The following MYO16 variants were observed in gnomAD, a reference collection of about 807,000 sequenced individuals.
MYO16 encodes the protein myosin XVI.
Under a neutral mutation model 205.3 loss-of-function variants are expected in MYO16, and 94 were observed. That is an observed-to-expected ratio of 0.46 (90% confidence interval 0.39 to 0.54). MYO16 has a LOEUF of 0.54. Ranked by LOEUF, MYO16 falls within the 20% of genes least tolerant of loss-of-function variation. MYO16 has a pLI of 0.00. For missense variants in MYO16, 2,315 were observed against 2,387.5 expected, an observed-to-expected ratio of 0.97 and a Z score of 0.63; for synonymous variants, 988 against 954.0, an observed-to-expected ratio of 1.04 and a Z score of -0.66.
At chr13:108,563,238 A>G in the MYO16 span, among the ~76,000 whole-genome samples, 2 of 152,084 alleles carry the variant, frequency 1.3e-5, no homozygotes, top group Admixed American at 1.3e-4. Context: ...GTGTCTATTT[A>G]TGGGGTTTTG....
chr13:108,945,471 C>G (rs999093557), intron 16 of MYO16, among the ~76,000 whole-genome samples: 1 of 152,092 alleles, frequency 6.6e-6, no homozygotes, highest in African/African-American at 2.4e-5. Context: ...GAAACACATC[C>G]TTGACTAGAA....
the MYO16 span, among the ~76,000 whole-genome samples, chr13:108,504,671 G>T: frequency 6.6e-6 from 1 of 151,984 alleles, no homozygotes; most frequent in Non-Finnish European, 1.5e-5. Context: ...AAGTAGCTGG[G>T]ACTACCGGCA....
At chr13:108,694,053 T>G (rs911347638) in intron 2 of MYO16, among the ~76,000 whole-genome samples, 2 of 152,242 alleles carry the variant, frequency 1.3e-5, no homozygotes, top group Non-Finnish European at 2.9e-5. Context: ...TCCATTTTTA[T>G]GGCCACATAG....
chr13:108,913,635 C>A (rs1051728954), intron 16 of MYO16, among the ~76,000 whole-genome samples: 4 of 152,150 alleles, frequency 2.6e-5, no homozygotes, highest in African/African-American at 9.7e-5. Flanking sequence ...AAAATTGGTA[C>A]CCATAGGTAA....
rs568297602 is a variant in MYO16 at position 108,782,466 on chromosome 13, G to A, written c.508-3169G>A. ...TTTTTAAAAGGGAAACAGCATAAAA[G>A]TTCAGAAAATTTGCAGCCTGACGAT... On this transcript the variant is annotated intron_variant, in intron 4 of 34. Transcript: ENST00000457511. 3.3e-5 allele frequency among the ~76,000 whole-genome samples: 5 copies of A among 152,302 alleles called. No homozygotes were observed. In the South Asian group the frequency reaches 1.0e-3, roughly 32 times the overall value.
chr13:108,797,448 G>A lies in MYO16; in HGVS notation c.741+3808G>A, dbSNP rs1311864906. 3.3e-5 allele frequency among the ~76,000 whole-genome samples: 5 copies of A among 152,244 alleles called. No individual in the cohort carries two copies. In the South Asian group the frequency reaches 1.0e-3, roughly 32 times the overall value. On this transcript the variant is annotated intron_variant, in intron 6 of 34. Coordinates refer to ENST00000457511, the MANE Select transcript of MYO16 (RefSeq NM_001198950.3). ...GAAGAGGAGGCTCCAGAAATGGGAT[G>A]AGAAGGAGCAAGCACTGAGGAAGGA...
chr13:109,092,989 T>A (rs1330831056), intron 27 of MYO16, among the ~76,000 whole-genome samples: 1 of 152,242 alleles, frequency 6.6e-6, no homozygotes, highest in Non-Finnish European at 1.5e-5. Context: ...TGTGGCTCTT[T>A]CACTTATAAT....
chr13:108,677,389 GTA>G (rs760293016), intron 2 of MYO16, among the ~76,000 whole-genome samples: 1 of 137,490 alleles, frequency 7.3e-6, no homozygotes, highest in East Asian at 2.9e-4. Context: ...ATATATACAG[GTA>G]TATATACAGT....
At chr13:108,587,351 T>G in the MYO16 span, among the ~76,000 whole-genome samples, 4,066 of 152,240 alleles carry the variant, frequency 0.027, 175 homozygotes, top group African/African-American at 0.091. Flanking sequence ...ACAACTGTAA[T>G]TTTTTCAAGT....
chr13:108,805,638 T>G (rs999171974), intron 6 of MYO16, among the ~76,000 whole-genome samples: 14 of 152,222 alleles, frequency 9.2e-5, no homozygotes, highest in African/African-American at 3.4e-4. Context: ...TAATGTCATT[T>G]GAGTGTGATG....
At chr13:108,780,295 T>C (rs1267543558) in intron 4 of MYO16, among the ~76,000 whole-genome samples, 1 of 151,298 alleles carries the variant, frequency 6.6e-6, no homozygotes, top group Non-Finnish European at 1.5e-5. Flanking sequence ...AAGTTAGTAA[T>C]CATGGAAGAT....
At chr13:108,612,056 CTT>C (rs1447579093) in intron 1 of MYO16, among the ~76,000 whole-genome samples, 3 of 138,468 alleles carry the variant, frequency 2.2e-5, no homozygotes, top group Non-Finnish European at 4.5e-5. Context: ...AAAGTAGACT[CTT>C]TACTTTCTTC....
At chr13:108,699,688 G>T (rs1162545271) in intron 2 of MYO16, among the ~76,000 whole-genome samples, 1 of 152,044 alleles carries the variant, frequency 6.6e-6, no homozygotes, top group African/African-American at 2.4e-5. Flanking sequence ...CCTGATTCCC[G>T]CCAGACAATT....
chr13:108,560,175 G>T, the MYO16 span, among the ~76,000 whole-genome samples: 4 of 152,170 alleles, frequency 2.6e-5, no homozygotes, highest in African/African-American at 9.7e-5. Flanking sequence ...CTAAGAGTAA[G>T]CTAAGATGAA....
intron 23 of MYO16, among the ~76,000 whole-genome samples, chr13:109,039,788 A>G (rs189809264): frequency 1.2e-4 from 19 of 152,318 alleles, no homozygotes; most frequent in Non-Finnish European, 2.8e-4. Flanking sequence ...CATCTCAGGA[A>G]CGTAGGAGCA....
chr13:108,958,346 C>T (rs1883461027), intron 17 of MYO16, among the ~76,000 whole-genome samples: 1 of 151,282 alleles, frequency 6.6e-6, no homozygotes, highest in African/African-American at 2.4e-5. Context: ...AGTAACTGTT[C>T]ATGTAAAGAA....
intron 28 of MYO16, among the ~76,000 whole-genome samples, chr13:109,116,116 G>A (rs1415425943): frequency 6.6e-6 from 1 of 152,084 alleles, no homozygotes; most frequent in Non-Finnish European, 1.5e-5. Flanking sequence ...CATAAAATAT[G>A]CCCAAGTAGT....
At chr13:108,996,249 C>T (rs1238641825) in intron 21 of MYO16, among the ~76,000 whole-genome samples, 1 of 152,092 alleles carries the variant, frequency 6.6e-6, no homozygotes, top group African/African-American at 2.4e-5. Context: ...TCCAGTGGTA[C>T]TTTTCAGTGT....
At chr13:108,547,361 C>A in the MYO16 span, among the ~76,000 whole-genome samples, 2 of 151,778 alleles carry the variant, frequency 1.3e-5, no homozygotes, top group Non-Finnish European at 2.9e-5. Flanking sequence ...GCAGTGTGCA[C>A]AAATAATGTT....
Sources: allele counts gnomAD v4.1 joint callset (sites outside exome capture counted in the v4.1 genomes callset), GRCh38; gene constraint gnomAD v4.1.1; transcripts MANE v1.5; gene names NCBI Gene and HGNC (gene_info 2026-07-23, HGNC 2026-07-21).